The following CDHR3 variants were observed in gnomAD, a reference collection of about 807,000 sequenced individuals.
The protein encoded by CDHR3 is cadherin related family member 3, also known as cadherin-related family member 3.
CDHR3 carries 79 observed loss-of-function variants against 86.6 expected under a neutral mutation model. The ratio of observed to expected loss-of-function variants is 0.91; its 90% CI spans 0.76 to 1.10. The LOEUF is 1.10. CDHR3 is among the 50% of genes least tolerant of loss of function. The pLI is 0.00. For missense variants in CDHR3, 1,081 were observed against 1,077.6 expected (o/e 1.00, Z -0.04); for synonymous variants, 421 against 402.4 (o/e 1.05, Z -0.55).
At chr7:106,031,706 G>A (rs550548998) in intron 18 of CDHR3, among the ~76,000 whole-genome samples, 4 of 152,208 alleles carry the variant, frequency 2.6e-5, no homozygotes, top group African/African-American at 9.6e-5. Flanking sequence ...AAGACAAGGA[G>A]CAAGGGCTTG....
Position 105,984,206 on chromosome 7 carries a change from A to G in CDHR3, c.430A>G (p.Ile144Val), listed in dbSNP as rs1391480396. 4 of 1,607,600 alleles carry G rather than the reference A, an allele frequency of 2.5e-6. No individual in the cohort carries two copies. Among genetic ancestry groups the G allele is most frequent in the East Asian group, 4.5e-5 (2 of 44,746 alleles). ...CACTGGTCTAGGTCTACACCTCTACATAGTAGAAAGAGCAAACCCTGGATT... is the reference window on the plus strand; with the variant it reads ...CACTGGTCTAGGTCTACACCTCTACGTAGTAGAAAGAGCAAACCCTGGATT... ...GNLAEGLHLY[I>V]VERANPGFIY... The change falls in exon 4 of 19, where the codon ATA becomes GTA. Residue 144 changes from isoleucine (I) to valine (V), a missense_variant. Physicochemically the swap from Ile to Val is conservative, Grantham distance 29 (BLOSUM62 3). Transcript: ENST00000317716.
intron 17 of CDHR3, among the ~76,000 whole-genome samples, chr7:106,029,758 T>G (rs994670243): frequency 6.6e-6 from 1 of 152,210 alleles, no homozygotes; most frequent in Admixed American, 6.5e-5. Flanking sequence ...GAATTTTGGC[T>G]TCAGGCACAT....
At chr7:105,999,831 C>T (rs1832857495) in intron 6 of CDHR3, among the ~76,000 whole-genome samples, 1 of 152,242 alleles carries the variant, frequency 6.6e-6, no homozygotes, top group South Asian at 2.1e-4. Context: ...GCATGTCTAA[C>T]CAGCTCCCTG....
chr7:105,999,688 GC>G (rs1281533699), intron 6 of CDHR3, among the ~76,000 whole-genome samples: 1 of 152,224 alleles, frequency 6.6e-6, no homozygotes, highest in African/African-American at 2.4e-5. Context: ...GAGGCTGGGA[GC>G]CTGTGGTTGC....
chr7:106,004,023 AAGGC>A lies in CDHR3; in HGVS notation c.863-469_863-466del, dbSNP rs1833601132. 1.1e-4 allele frequency among the ~76,000 whole-genome samples: 17 copies of A among 152,022 alleles called. No homozygotes were observed. In the South Asian group the frequency reaches 3.3e-3, roughly 30 times the overall value. ...AAAAAAAAAAAAAAGAAAGAAAAAA[AAGGC>A]AGGCACATCTATCAACAGGATTCTG... On this transcript the variant is annotated intron_variant, in intron 7 of 18. Transcript: ENST00000317716.
chr7:105,971,180 G>C (rs980172114), intron 1 of CDHR3, among the ~76,000 whole-genome samples: 2 of 151,618 alleles, frequency 1.3e-5, no homozygotes, highest in Non-Finnish European at 2.9e-5. Flanking sequence ...GGACTGCCTA[G>C]GTCTGCCTCA....
chr7:105,968,562 T>C (rs1827353133), intron 1 of CDHR3, among the ~76,000 whole-genome samples: 1 of 152,120 alleles, frequency 6.6e-6, no homozygotes, highest in Non-Finnish European at 1.5e-5. Flanking sequence ...GGTTTCACCA[T>C]GTCGGCCAGG....
chr7:106,020,053 G>T (rs866206055), intron 12 of CDHR3, among the ~76,000 whole-genome samples: 35 of 149,354 alleles, frequency 2.3e-4, no homozygotes, highest in African/African-American at 7.1e-4. Context: ...GTGTGTGGGG[G>T]GGGGGCAAGG....
chr7:105,968,840 G>A (rs1475937984), intron 1 of CDHR3, among the ~76,000 whole-genome samples: 3 of 152,130 alleles, frequency 2.0e-5, no homozygotes, highest in Admixed American at 2.0e-4. Context: ...TGTAATCCCA[G>A]CACTTTGGGA....
chr7:106,020,995 A>G (rs937551731), intron 13 of CDHR3, among the ~76,000 whole-genome samples: 1 of 152,180 alleles, frequency 6.6e-6, no homozygotes, highest in Non-Finnish European at 1.5e-5. Context: ...GAAAAAATGC[A>G]GTCCAACTTT....
chr7:106,019,388 GTT>G (rs35278081), intron 12 of CDHR3, among the ~76,000 whole-genome samples: 7 of 141,562 alleles, frequency 4.9e-5, no homozygotes, highest in East Asian at 4.2e-4. Flanking sequence ...TTGTTAGGCT[GTT>G]TTTTTTTTTT....
intron 17 of CDHR3, among the ~76,000 whole-genome samples, chr7:106,029,854 C>T (rs539552290): frequency 7.2e-5 from 11 of 152,128 alleles, no homozygotes; most frequent in East Asian, 1.9e-4. Flanking sequence ...TTGTCTAAGG[C>T]GAGTACCCTT....
In CDHR3 at chr7:105,981,096, G is replaced by A. The variant is rs777908282; in HGVS notation, c.378G>A (p.Val126=). The change falls in exon 3 of 19, where the codon GTG becomes GTA. Residue 126 remains valine, a synonymous_variant. Coordinates refer to ENST00000317716, the MANE Select transcript of CDHR3 (RefSeq NM_152750.5). ...TCCTGACTGTCCAGGTAACAGATGT[G>A]AACGAGCCACCTCAGTTTCAAGGCA... is the stretch of plus-strand genomic sequence containing the variant. ...LQVLTVQVTD[V]NEPPQFQGNL... 6 of 1,613,654 alleles carry A rather than the reference G, an allele frequency of 3.7e-6. No homozygotes were observed. The highest frequency in any genetic ancestry group is 1.1e-5 in the South Asian group (1 of 90,922).
chr7:105,984,635 G>C (rs1298697123), intron 4 of CDHR3, among the ~76,000 whole-genome samples: 2 of 152,096 alleles, frequency 1.3e-5, no homozygotes, highest in Non-Finnish European at 2.9e-5. Flanking sequence ...GCAGTGCCGG[G>C]TGTATCAAAA....
intron 1 of CDHR3, 75 bp downstream of exon 1, chr7:105,963,439 C>T (rs906798423): frequency 1.5e-5 from 22 of 1,499,662 alleles, no homozygotes; most frequent in Non-Finnish European, 2.0e-5. Context: ...ACAATGTCCC[C>T]CAGAAAGGAA....
At chr7:106,008,124 A>G (rs1834218163) in intron 8 of CDHR3, among the ~76,000 whole-genome samples, 1 of 152,196 alleles carries the variant, frequency 6.6e-6, no homozygotes, top group Admixed American at 6.5e-5. Flanking sequence ...ACTTGCCACC[A>G]TGATTCAATT....
intron 4 of CDHR3, among the ~76,000 whole-genome samples, chr7:105,991,369 G>C (rs938181615): frequency 3.3e-5 from 5 of 151,408 alleles, no homozygotes; most frequent in African/African-American, 4.9e-5. Flanking sequence ...AGAGAAAAAA[G>C]AAATTAGCCT....
rs768841696 is a variant in CDHR3 at position 105,980,968 on chromosome 7, G to A, written c.250G>A (p.Val84Ile). ...VNWLSGTYFE[V>I]VTTGMEQLDF... ...CTAAGAATTTTGCATTTTGTTTTAG[G>A]TTGTCACCACTGGGATGGAACAACT... is the stretch of plus-strand genomic sequence containing the variant. Residue 84 changes from valine (V) to isoleucine (I), a missense_variant and splice_region_variant, in exon 3 of 19, where the codon GTT becomes ATT. Transcript: ENST00000317716. The A allele has an allele frequency of 6.2e-7, 1 of 1,603,322 alleles. No homozygotes were observed. Among genetic ancestry groups the A allele is most frequent in the South Asian group, 1.1e-5 (1 of 88,870 alleles).
intron 8 of CDHR3, among the ~76,000 whole-genome samples, chr7:106,005,435 G>A (rs531029260): frequency 1.2e-4 from 19 of 152,332 alleles, no homozygotes; most frequent in African/African-American, 4.1e-4. Context: ...CGTCTCTGAG[G>A]TTTTGTTCCA....
Sources: gnomAD v4.1 joint callset for allele counts (sites outside exome capture counted in the v4.1 genomes callset) on GRCh38, gnomAD v4.1.1 for gene constraint, MANE v1.5 for transcripts, NCBI Gene and HGNC (gene_info 2026-07-23, HGNC 2026-07-21) for gene names.